Variants in HACE1 observed in about 807,000 individuals in gnomAD.
HACE1 encodes E3 ubiquitin-protein ligase HACE1.
HACE1 carries 73 observed loss-of-function variants against 118.4 expected under a neutral mutation model. That is an observed-to-expected ratio of 0.62 (90% confidence interval 0.51 to 0.75). HACE1 has a LOEUF of 0.75. Among genes scored for constraint, HACE1 ranks in the 30% least tolerant of loss-of-function variants. HACE1 has a pLI of 0.00. For missense variants in HACE1, 749 were observed against 1,102.2 expected, an observed-to-expected ratio of 0.68 and a Z score of 4.54; for synonymous variants, 368 against 374.8, an observed-to-expected ratio of 0.98 and a Z score of 0.21.
At chr6:104,826,081 T>TA (rs1773299332) in intron 6 of HACE1, among the ~76,000 whole-genome samples, 1 of 152,208 alleles carries the variant, frequency 6.6e-6, no homozygotes, top group Admixed American at 6.5e-5. Context: ...TGTTGTAAGC[T>TA]GCCCATGAAA....
In HACE1 at chr6:104,791,596, A is replaced by C. The variant is rs1360979518; in HGVS notation, c.982T>G (p.Cys328Gly). 6.2e-7 allele frequency: 1 copy of C among 1,611,632 alleles called. No homozygotes were observed. The highest frequency in any genetic ancestry group is 1.7e-5 in the Admixed American group (1 of 60,014). ...GATGGACCAATTCGAAAGACGTGAC[A>C]AAACATTCTCACAATCCTTAAAAGG... ...KSLLRIVRMF[C>G]HVFRIGPSSP... The change falls in exon 11 of 24, where the codon TGT (cysteine) becomes GGT (glycine). Residue 328 changes from cysteine (C) to glycine (G), a missense_variant. This residue lies in a region of HACE1 where 267 missense variants were observed against 312.2 expected (regional missense o/e 0.86). Transcript: ENST00000262903.
chr6:104,815,704 T>G lies in HACE1; in HGVS notation c.535-4311A>C, dbSNP rs191491142. On this transcript the variant is annotated intron_variant, in intron 6 of 23. Coordinates refer to ENST00000262903, the MANE Select transcript of HACE1 (RefSeq NM_020771.4). Reference sequence around the variant, plus strand: ...TCTAACCAGCAAAGCATTCAAGATGTGACCTGGCTTATTCTGAAAGCATTC... The same window carrying G: ...TCTAACCAGCAAAGCATTCAAGATGGGACCTGGCTTATTCTGAAAGCATTC... 1.1e-3 allele frequency among the ~76,000 whole-genome samples: 159 copies of G among 138,496 alleles called. 24 individuals are homozygous for G. The highest frequency in any genetic ancestry group is 9.9e-4 in the Non-Finnish European group (64 of 64,338). 90.9% of individuals were successfully genotyped at this position (138,496 alleles called of 152,430 possible).
chr6:104,823,298 G>A (rs1390915031), intron 6 of HACE1, among the ~76,000 whole-genome samples: 8 of 152,002 alleles, frequency 5.3e-5, no homozygotes, highest in African/African-American at 1.9e-4. Flanking sequence ...GTTGGGCATG[G>A]CAGTGGGCAC....
intron 17 of HACE1, among the ~76,000 whole-genome samples, chr6:104,773,308 T>G (rs551053802): frequency 2.5e-3 from 386 of 152,264 alleles, no homozygotes; most frequent in African/African-American, 8.9e-3. Flanking sequence ...AGTGAAATCT[T>G]TAGTCATTTT....
At position 104,833,080 on chromosome 6, in the gene HACE1, T is replaced by C; in HGVS notation, c.496A>G (p.Thr166Ala). 1 of 1,612,322 alleles carries C rather than the reference T, an allele frequency of 6.2e-7. No homozygotes were observed. Among genetic ancestry groups the C allele is most frequent in the Non-Finnish European group, 8.5e-7 (1 of 1,178,268 alleles). ...TTCTGGCAGGCAACATGCAGTGCTG[T>C]CTGCCCCATGGCATCCTCAACATCA... ...DVDVEDAMGQ[T>A]ALHVACQNGH... Residue 166 changes from threonine to alanine, a missense_variant, in exon 6 of 24, where the codon ACA becomes GCA. Transcript: ENST00000262903.
chr6:104,833,636 G>A (rs1255984081), intron 5 of HACE1, among the ~76,000 whole-genome samples: 7 of 152,136 alleles, frequency 4.6e-5, no homozygotes, highest in Non-Finnish European at 1.0e-4. Context: ...TTGAAGCAAC[G>A]AGTTCAAGAT....
intron 22 of HACE1, among the ~76,000 whole-genome samples, chr6:104,740,116 C>T (rs1161170971): frequency 6.7e-6 from 1 of 149,456 alleles, no homozygotes; most frequent in Non-Finnish European, 1.5e-5. Context: ...TCTTTGAAAC[C>T]AATGAGAACA....
At chr6:104,790,113 C>T (rs1292890747) in intron 11 of HACE1, among the ~76,000 whole-genome samples, 2 of 151,084 alleles carry the variant, frequency 1.3e-5, no homozygotes, top group African/African-American at 4.9e-5. Flanking sequence ...CGTGCACACA[C>T]ACACATACAT....
Position 104,859,823 on chromosome 6 carries a change from C to T in HACE1, c.-181G>A. On this transcript the variant is annotated 5_prime_UTR_variant, in exon 1 of 24. Coordinates refer to ENST00000262903, the MANE Select transcript of HACE1 (RefSeq NM_020771.4). ...CCTGCGTCCGGGGGCCGGGCTGCTG[C>T]CGGACCGACCACCTACAGTACACCC... 1 of 564,864 alleles carries T rather than the reference C, an allele frequency of 1.8e-6. No individual in the cohort carries two copies. The highest frequency in any genetic ancestry group is 3.0e-6 in the Non-Finnish European group (1 of 330,836). 35.0% of individuals were successfully genotyped at this position (564,864 alleles called of 1,614,324 possible). A position where few individuals can be genotyped will look rare whatever the true frequency, so the allele number is the denominator to read the frequency against.
At position 104,791,634 on chromosome 6, in the gene HACE1, G is replaced by T; in HGVS notation, c.944C>A (p.Ala315Asp). The change falls in exon 11 of 24, where the codon GCT becomes GAT. Residue 315 changes from alanine to aspartate, a missense_variant. By Grantham distance (126) the Ala-to-Asp change is moderately radical (BLOSUM62 -2). This residue lies in a region of HACE1 where 267 missense variants were observed against 312.2 expected (regional missense o/e 0.86). Coordinates refer to ENST00000262903, the MANE Select transcript of HACE1 (RefSeq NM_020771.4). ...KLLSLSSNYD[A>D]QMKSLLRIVR... ...AATCCTTAAAAGGCTCTTCATTTGAGCATCATAATTGCTAGAGAGGCTGAA... is the reference window on the plus strand; with the variant it reads ...AATCCTTAAAAGGCTCTTCATTTGATCATCATAATTGCTAGAGAGGCTGAA... The T allele has an allele frequency of 6.2e-7, 1 of 1,609,738 alleles. No homozygotes were observed. Among genetic ancestry groups the T allele is most frequent in the Non-Finnish European group, 8.5e-7 (1 of 1,176,248 alleles).
At chr6:104,831,984 A>AAGAGAAGAG (rs1774008509) in intron 6 of HACE1, among the ~76,000 whole-genome samples, 1 of 58,468 alleles carries the variant, frequency 1.7e-5, no homozygotes, top group Non-Finnish European at 3.3e-5. Flanking sequence ...AGAAGAGAGG[A>AAGAGAAGAG]AGGAAGGAAG....
chr6:104,766,165 G>A (rs1014232606), intron 19 of HACE1, among the ~76,000 whole-genome samples: 3 of 152,178 alleles, frequency 2.0e-5, no homozygotes, highest in Non-Finnish European at 2.9e-5. Context: ...GGGCACAGTG[G>A]GGAACCTGCT....
chr6:104,763,975 A>G (rs1779687145), intron 19 of HACE1, among the ~76,000 whole-genome samples: 1 of 151,382 alleles, frequency 6.6e-6, no homozygotes, highest in Non-Finnish European at 1.5e-5. Flanking sequence ...TGAACCTGAG[A>G]GGCAAAGGTT....
intron 1 of HACE1, among the ~76,000 whole-genome samples, chr6:104,854,400 T>C (rs1297018812): frequency 6.6e-6 from 1 of 152,228 alleles, no homozygotes; most frequent in African/African-American, 2.4e-5. Flanking sequence ...AACTGTACTG[T>C]GGTTGTACAA....
chr6:104,858,643 CAA>C (rs1213279107), intron 1 of HACE1: 4 of 194,542 alleles, frequency 2.1e-5, no homozygotes, highest in Non-Finnish European at 4.4e-5. Context: ...AGCAGCAATT[CAA>C]AGAGAGTTTT....
intron 20 of HACE1, among the ~76,000 whole-genome samples, chr6:104,750,079 T>A (rs1335181546): frequency 6.6e-6 from 1 of 152,110 alleles, no homozygotes; most frequent in African/African-American, 2.4e-5. Flanking sequence ...ATCTCCCATA[T>A]AGAAGAAACA....
chr6:104,831,977 A>AGAGAAGAGAAGAGAG (rs1773987452), intron 6 of HACE1, among the ~76,000 whole-genome samples: 1 of 48,312 alleles, frequency 2.1e-5, no homozygotes, highest in Non-Finnish European at 4.0e-5. Context: ...AGAGAAGAGA[A>AGAGAAGAGAAGAGAG]GAGAGGAAGG....
chr6:104,794,071 T>C (rs1783357577), intron 10 of HACE1, among the ~76,000 whole-genome samples: 2 of 152,220 alleles, frequency 1.3e-5, no homozygotes, highest in African/African-American at 4.8e-5. Flanking sequence ...ATCCGCTATT[T>C]ACTAATGAGG....
At chr6:104,844,501 G>T (rs956097897) in intron 4 of HACE1, among the ~76,000 whole-genome samples, 8 of 151,072 alleles carry the variant, frequency 5.3e-5, no homozygotes, top group Non-Finnish European at 1.5e-5. Flanking sequence ...GCACCACCAC[G>T]CCAGGCTAAT....
Sources: gnomAD v4.1 joint callset for allele counts (sites outside exome capture counted in the v4.1 genomes callset) on GRCh38, gnomAD v4.1.1 for gene constraint, gnomAD v4.1.1 regional missense constraint, MANE v1.5 for transcripts, NCBI Gene and HGNC (gene_info 2026-07-23, HGNC 2026-07-21) for gene names.